CNTNAP5: variants seen among roughly 807,000 people sequenced by gnomAD.
CNTNAP5 encodes the protein contactin associated protein family member 5.
A neutral mutation model predicts 150.2 loss-of-function variants in CNTNAP5; 72 were observed. That is an observed-to-expected ratio of 0.48 (90% CI 0.40 to 0.58). The LOEUF is 0.58. Ranked by LOEUF, CNTNAP5 falls within the 20% of genes least tolerant of loss-of-function variation. The probability of loss-of-function intolerance (pLI) is 0.00; values close to 1 mark genes in which losing one functional copy is unlikely to be tolerated. For missense variants in CNTNAP5, 1,636 were observed against 1,626.2 expected, an observed-to-expected ratio of 1.01 and a Z score of -0.10; for synonymous variants, 672 against 619.8, an observed-to-expected ratio of 1.08 and a Z score of -1.25.
chr2:124,573,841 G>T lies in CNTNAP5; in HGVS notation c.1756+10518G>T, dbSNP rs116016257. Among the ~76,000 whole-genome samples, 555 of 152,220 alleles carry T rather than the reference G, an allele frequency of 3.6e-3. 3 individuals carry two copies. The highest frequency in any genetic ancestry group is 0.013 in the African/African-American group (528 of 41,534). The stretch of plus-strand genomic sequence containing the variant: ...AATTATTTAACTTCTTTCAGCCTTG[G>T]TTGTTTTTGGTCTCTAAAATAACAG... On this transcript the variant is annotated intron_variant, in intron 11 of 23. Transcript: ENST00000682447.
At chr2:124,633,488 A>G (rs1677907153) in intron 12 of CNTNAP5, among the ~76,000 whole-genome samples, 1 of 152,224 alleles carries the variant, frequency 6.6e-6, no homozygotes, top group South Asian at 2.1e-4. Context: ...CTAGCTCCCA[A>G]GGCTTTGGGA....
chr2:124,594,449 G>A (rs1336027370), intron 11 of CNTNAP5, among the ~76,000 whole-genome samples: 1 of 152,032 alleles, frequency 6.6e-6, no homozygotes, highest in East Asian at 1.9e-4. Flanking sequence ...ATAGTTGTAG[G>A]TAAGTGGTGT....
chr2:124,441,532 G>C (rs1358257006), intron 5 of CNTNAP5, among the ~76,000 whole-genome samples: 1 of 151,892 alleles, frequency 6.6e-6, no homozygotes, highest in African/African-American at 2.4e-5. Flanking sequence ...TAATTATTGA[G>C]TATTCTATTT....
chr2:124,510,989 CT>C (rs1419598267), intron 8 of CNTNAP5, among the ~76,000 whole-genome samples: 1 of 152,198 alleles, frequency 6.6e-6, no homozygotes. Flanking sequence ...ATGGGGACCT[CT>C]CACATGGTCA....
intron 6 of CNTNAP5, among the ~76,000 whole-genome samples, chr2:124,457,747 C>G (rs187201626): frequency 9.5e-4 from 144 of 151,860 alleles, no homozygotes; most frequent in Middle Eastern, 6.8e-3. Context: ...TACATGTGCA[C>G]AATGTGCAGG....
rs1558803881 is a variant in CNTNAP5, at chr2:124,860,481, TTCCTTCCTTCCTTCCTTCCTTCTTTCC to T, written c.3218-4823_3218-4797del. On this transcript the variant is annotated intron_variant, in intron 19 of 23. Transcript: ENST00000682447. ...CTTCCTTCCTTCCTTCCTTCCTTCC[TTCCTTCCTTCCTTCCTTCCTTCTTTCC>T]TTCCTTCCTTCCTTCCTTCCTTCCT... Among the ~76,000 whole-genome samples the T allele has an allele frequency of 3.9e-5, 4 of 103,592 alleles. No individual in the cohort carries two copies. In the East Asian group the frequency reaches 1.1e-3, roughly 28 times the overall value. The allele number at this position is 103,592 out of a possible 152,430, so 68.0% of individuals were successfully genotyped here.
At chr2:124,283,144 A>G (rs899215566) in intron 3 of CNTNAP5, among the ~76,000 whole-genome samples, 7 of 152,184 alleles carry the variant, frequency 4.6e-5, no homozygotes, top group Admixed American at 2.0e-4. Flanking sequence ...TTGTGGAGTC[A>G]GTAGTCCTGC....
intron 1 of CNTNAP5, among the ~76,000 whole-genome samples, chr2:124,219,503 G>A (rs925912694): frequency 6.6e-6 from 1 of 152,058 alleles, no homozygotes; most frequent in Non-Finnish European, 1.5e-5. Flanking sequence ...ACCTGAAATA[G>A]GAGGATGGTT....
chr2:124,910,919 ACAGAG>A (rs372723234), intron 22 of CNTNAP5, among the ~76,000 whole-genome samples: 38 of 152,028 alleles, frequency 2.5e-4, no homozygotes, highest in African/African-American at 8.9e-4. Context: ...CCAACAAACA[ACAGAG>A]CAAAGACTCA....
intron 3 of CNTNAP5, among the ~76,000 whole-genome samples, chr2:124,390,035 G>T (rs926804243): frequency 8.6e-5 from 13 of 151,762 alleles, no homozygotes; most frequent in Admixed American, 6.6e-4. Flanking sequence ...CAGAAACTTG[G>T]GATGTTTGTC....
chr2:124,049,754 C>T (rs908564193), intron 1 of CNTNAP5, among the ~76,000 whole-genome samples: 2 of 152,110 alleles, frequency 1.3e-5, no homozygotes, highest in African/African-American at 4.8e-5. Flanking sequence ...AATAAAATAC[C>T]ATAGCCTAGG....
intron 3 of CNTNAP5, among the ~76,000 whole-genome samples, chr2:124,265,013 G>A (rs1687569728): frequency 6.6e-6 from 1 of 152,228 alleles, no homozygotes; most frequent in South Asian, 2.1e-4. Context: ...AGATGACAGA[G>A]TGGCTGTTCT....
intron 8 of CNTNAP5, among the ~76,000 whole-genome samples, chr2:124,517,745 T>A (rs1418673997): frequency 6.8e-6 from 1 of 147,086 alleles, no homozygotes; most frequent in Non-Finnish European, 1.5e-5. Flanking sequence ...AGGGTTTTGG[T>A]GTTGGTGATG....
chr2:124,326,571 C>T (rs1311418512), intron 3 of CNTNAP5, among the ~76,000 whole-genome samples: 1 of 152,114 alleles, frequency 6.6e-6, no homozygotes, highest in Non-Finnish European at 1.5e-5. Flanking sequence ...GAAATCTCTG[C>T]TGTCAAATTT....
At chr2:124,228,160 T>C (rs570957593) in intron 2 of CNTNAP5, among the ~76,000 whole-genome samples, 6 of 152,084 alleles carry the variant, frequency 3.9e-5, no homozygotes, top group African/African-American at 1.4e-4. Context: ...ACCACTGGTA[T>C]CAGTCCCAGA....
intron 17 of CNTNAP5, among the ~76,000 whole-genome samples, chr2:124,781,467 G>C (rs1681449634): frequency 2.0e-5 from 3 of 152,172 alleles, no homozygotes; most frequent in Admixed American, 2.0e-4. Context: ...ACAATGTCTA[G>C]GGAAATTTGC....
intron 13 of CNTNAP5, among the ~76,000 whole-genome samples, chr2:124,728,893 G>A (rs1458813474): frequency 6.6e-6 from 1 of 151,928 alleles, no homozygotes; most frequent in African/African-American, 2.4e-5. Context: ...ATATAAGCTA[G>A]ACTATTTTCT....
intron 19 of CNTNAP5, among the ~76,000 whole-genome samples, chr2:124,816,724 C>T (rs972141624): frequency 5.9e-5 from 9 of 152,082 alleles, no homozygotes; most frequent in Middle Eastern, 3.4e-3. Context: ...GTGATCCACC[C>T]GCCTCAGCCT....
At chr2:124,855,135 C>T (rs1476229187) in intron 19 of CNTNAP5, among the ~76,000 whole-genome samples, 2 of 139,204 alleles carry the variant, frequency 1.4e-5, no homozygotes, top group Non-Finnish European at 3.1e-5. Flanking sequence ...GTTGGACTTT[C>T]TCATATAGAA....
Sources: gnomAD v4.1 joint callset for allele counts (sites outside exome capture counted in the v4.1 genomes callset) on GRCh38, gnomAD v4.1.1 for gene constraint, MANE v1.5 for transcripts, NCBI Gene and HGNC (gene_info 2026-07-23, HGNC 2026-07-21) for gene names.